VPS26A: variants seen among roughly 807,000 people sequenced by gnomAD.
The protein encoded by VPS26A is VPS26 retromer complex component A.
In VPS26A, 22 loss-of-function variants were observed where a neutral mutation model predicts 42.4. That is an observed-to-expected ratio of 0.52 (90% CI 0.37 to 0.74). The LOEUF is 0.74. VPS26A is among the 30% of genes least tolerant of loss of function. The probability of loss-of-function intolerance (pLI) is 0.00; values close to 1 mark genes in which losing one functional copy is unlikely to be tolerated. For missense variants in VPS26A, 276 were observed against 379.2 expected (o/e 0.73, Z 2.26); for synonymous variants, 110 against 123.5 (o/e 0.89, Z 0.73).
At chr10:69,168,406 C>T in intron 7 of VPS26A, 83 bp from the exon 8 acceptor site, 4 of 1,420,564 alleles carry the variant, frequency 2.8e-6, no homozygotes, top group Non-Finnish European at 1.9e-6. Context: ...GCATTAGTGT[C>T]AACTCTATAG....
At chr10:69,139,127 C>T (rs1840986540) in intron 2 of VPS26A, among the ~76,000 whole-genome samples, 1 of 152,056 alleles carries the variant, frequency 6.6e-6, no homozygotes, top group Admixed American at 6.6e-5. Flanking sequence ...GTTTCATTGT[C>T]TGAAGCTTAT....
chr10:69,137,882 T>TATATATATATATATATATATA (rs1564675546), intron 2 of VPS26A, among the ~76,000 whole-genome samples: 8 of 151,384 alleles, frequency 5.3e-5, no homozygotes, highest in African/African-American at 2.0e-4. Context: ...TATATATATA[T>TATATATATATATATATATATA]TCGCCATAAA....
At chr10:69,133,315 A>T (rs12219038) in intron 2 of VPS26A, among the ~76,000 whole-genome samples, 16,660 of 152,024 alleles carry the variant, frequency 0.11, 2,259 homozygotes, top group African/African-American at 0.32. Context: ...TGAAAAAAAA[A>T]ATATTTTTTT....
rs1481107917 is a variant in VPS26A, at chr10:69,172,518, TTAC to T, written c.*1251_*1253del. 2.6e-5 allele frequency: 4 copies of T among 152,666 alleles called. No individual in the cohort carries two copies. Among genetic ancestry groups the T allele is most frequent in the African/African-American group, 9.6e-5 (4 of 41,468 alleles). 9.5% of individuals were successfully genotyped at this position (152,666 alleles called of 1,614,324 possible). On this transcript the variant is annotated 3_prime_UTR_variant, in exon 9 of 9. Coordinates refer to ENST00000263559, the MANE Select transcript of VPS26A (RefSeq NM_004896.5). ...TCAGTGCAAGTCTTGTCAGTTAACC[TTAC>T]TTTATGAGTAAGCTAAATAACCCAA...
chr10:69,140,087 A>G (rs1271376096), intron 2 of VPS26A, among the ~76,000 whole-genome samples: 1 of 145,120 alleles, frequency 6.9e-6, no homozygotes, highest in Non-Finnish European at 1.5e-5. Flanking sequence ...TTTTTTTTTG[A>G]GATAAGATCT....
chr10:69,132,318 T>C (rs1840798642), intron 1 of VPS26A, among the ~76,000 whole-genome samples: 1 of 149,150 alleles, frequency 6.7e-6, no homozygotes, highest in African/African-American at 2.4e-5. Flanking sequence ...ATTGAAATTA[T>C]AGCATGCTGA....
rs762584539 is a variant in VPS26A at position 69,171,289 on chromosome 10, G to T, written c.*20G>T. 3 of 1,593,152 alleles carry T rather than the reference G, an allele frequency of 1.9e-6. No homozygotes were observed. Reference sequence around the variant, plus strand: ...ATGTGAACTGAACAGGAGAAAAAAAGAAAAGCAAAAAACTCCTGTAACCCT... The same window carrying T: ...ATGTGAACTGAACAGGAGAAAAAAATAAAAGCAAAAAACTCCTGTAACCCT... On this transcript the variant is annotated 3_prime_UTR_variant, in exon 9 of 9. Coordinates refer to ENST00000263559, the MANE Select transcript of VPS26A (RefSeq NM_004896.5).
chr10:69,142,879 A>G (rs1227114508), intron 2 of VPS26A, among the ~76,000 whole-genome samples: 1 of 152,238 alleles, frequency 6.6e-6, no homozygotes, highest in Non-Finnish European at 1.5e-5. Flanking sequence ...GACAAATGCT[A>G]TGCGATAATA....
chr10:69,124,794 G>C (rs1271805570), intron 1 of VPS26A, among the ~76,000 whole-genome samples: 1 of 152,198 alleles, frequency 6.6e-6, no homozygotes, highest in African/African-American at 2.4e-5. Flanking sequence ...CCCAGTTCAG[G>C]CTTTCTGTTG....
intron 1 of VPS26A, among the ~76,000 whole-genome samples, 174 bp downstream of exon 1, chr10:69,124,454 C>CT (rs1302635971): frequency 6.6e-6 from 1 of 152,132 alleles, no homozygotes; most frequent in East Asian, 1.9e-4. Flanking sequence ...GGCGCCACCT[C>CT]TTCCCGGTCT....
At chr10:69,167,276 C>T (rs1186457411) in intron 7 of VPS26A, among the ~76,000 whole-genome samples, 1 of 150,572 alleles carries the variant, frequency 6.6e-6, no homozygotes, top group African/African-American at 2.4e-5. Context: ...ATAAAAAATA[C>T]AAAAATTAGC....
chr10:69,170,280 A>G (rs1293419389), intron 8 of VPS26A: 5 of 152,246 alleles, frequency 3.3e-5, no homozygotes, highest in African/African-American at 1.2e-4. Context: ...CTAATGTTGT[A>G]TAATTAAACA....
At chr10:69,167,795 T>C (rs1276267379) in intron 7 of VPS26A, among the ~76,000 whole-genome samples, 11 of 118,956 alleles carry the variant, frequency 9.2e-5, no homozygotes, top group Admixed American at 9.0e-4. Context: ...CTTAGGAAAA[T>C]AGAAGCAATG....
intron 8 of VPS26A, chr10:69,170,345 A>G (rs898464830): frequency 4.6e-5 from 7 of 152,210 alleles, no homozygotes; most frequent in African/African-American, 1.7e-4. Context: ...TTCAAAATCA[A>G]TTGCATATCA....
At chr10:69,162,622 G>T in intron 6 of VPS26A, 110 bp downstream of exon 6, 2 of 610,044 alleles carry the variant, frequency 3.3e-6, no homozygotes, top group East Asian at 3.5e-5. Context: ...TACTAATTTT[G>T]CTAGTTAATA....
chr10:69,144,219 T>G (rs1841105447), intron 2 of VPS26A, among the ~76,000 whole-genome samples: 1 of 152,204 alleles, frequency 6.6e-6, no homozygotes, highest in Non-Finnish European at 1.5e-5. Context: ...TGCATTAGAG[T>G]GATACATTTG....
At chr10:69,127,205 C>T (rs1840676650) in intron 1 of VPS26A, among the ~76,000 whole-genome samples, 1 of 149,654 alleles carries the variant, frequency 6.7e-6, no homozygotes, top group Non-Finnish European at 1.5e-5. Flanking sequence ...CTTGTCCTCC[C>T]AAAGTGTTGG....
At chr10:69,136,560 T>C (rs1589347507) in intron 2 of VPS26A, among the ~76,000 whole-genome samples, 1 of 152,020 alleles carries the variant, frequency 6.6e-6, no homozygotes, top group East Asian at 1.9e-4. Context: ...TGAGCTACCA[T>C]GGCTGGCCTT....
chr10:69,157,916 A>G (rs1485637984), intron 4 of VPS26A, 131 bp from the exon 5 acceptor site: 6 of 707,350 alleles, frequency 8.5e-6, no homozygotes, highest in South Asian at 2.5e-5. Context: ...TCGTGAAGTA[A>G]TGAAGTAAGT....
Sources: gnomAD v4.1 joint callset for allele counts (sites outside exome capture counted in the v4.1 genomes callset) on GRCh38, gnomAD v4.1.1 for gene constraint, MANE v1.5 for transcripts, NCBI Gene and HGNC (gene_info 2026-07-23, HGNC 2026-07-21) for gene names.